Variants in SCGB2B2 observed in about 807,000 individuals in gnomAD.
SCGB2B2 encodes secretoglobin-like protein.
SCGB2B2 carries 11 observed loss-of-function variants against 7.6 expected under a neutral mutation model. The ratio of observed to expected loss-of-function variants is 1.45; its 90% confidence interval spans 0.91 to 2.40. The LOEUF (loss-of-function observed/expected upper bound fraction) is 2.40, where lower values mean the gene tolerates loss of function less well. SCGB2B2 is among the 30% of genes most tolerant of loss of function. The probability of loss-of-function intolerance (pLI) is 0.00; values close to 1 mark genes in which losing one functional copy is unlikely to be tolerated. For missense variants in SCGB2B2, 104 were observed against 115.4 expected, an observed-to-expected ratio of 0.90 and a Z score of 0.45; for synonymous variants, 50 against 48.6, an observed-to-expected ratio of 1.03 and a Z score of -0.12.
chr19:34,658,689 C>T (rs2067354257), intron 1 of SCGB2B2, among the ~76,000 whole-genome samples: 1 of 151,800 alleles, frequency 6.6e-6, no homozygotes, highest in African/African-American at 2.4e-5. Flanking sequence ...GGAGCTGGTA[C>T]CATTCCTTCT....
At chr19:34,647,363 C>T (rs2067049349) in intron 1 of SCGB2B2, among the ~76,000 whole-genome samples, 3 of 152,186 alleles carry the variant, frequency 2.0e-5, no homozygotes, top group Admixed American at 2.0e-4. Context: ...AAACCTCAGG[C>T]CCTTTCTGCA....
rs2065316959 is a variant in SCGB2B2 at position 34,592,330 on chromosome 19, G to T, written c.*1225C>A. ...GGTGGGTCTGCACTTGTAGGGAAATGAGCTCTCAAAGATCCAGGGAGAAAG... is the reference window on the plus strand; with the variant it reads ...GGTGGGTCTGCACTTGTAGGGAAATTAGCTCTCAAAGATCCAGGGAGAAAG... On this transcript the variant is annotated 3_prime_UTR_variant, in exon 4 of 4. Coordinates refer to ENST00000601241, the MANE Select transcript of SCGB2B2 (RefSeq NM_001025591.4). 6.6e-6 allele frequency among the ~76,000 whole-genome samples: 1 copy of T among 152,136 alleles called. No individual in the cohort carries two copies. The highest frequency in any genetic ancestry group is 1.5e-5 in the Non-Finnish European group (1 of 68,024).
Position 34,590,981 on chromosome 19 carries a change from A to G in SCGB2B2, c.*2574T>C, listed in dbSNP as rs886699053. Among the ~76,000 whole-genome samples the G allele has an allele frequency of 6.6e-6, 1 of 152,166 alleles. No homozygotes were observed. The highest frequency in any genetic ancestry group is 2.4e-5 in the African/African-American group (1 of 41,430). On this transcript the variant is annotated 3_prime_UTR_variant, in exon 4 of 4. Transcript: ENST00000601241. ...TTCTGGTTGAAACTCTCCATCTTTGATTGCTACAAGCTGAGTTTTAATTGA... is the reference window on the plus strand; with the variant it reads ...TTCTGGTTGAAACTCTCCATCTTTGGTTGCTACAAGCTGAGTTTTAATTGA...
intron 1 of SCGB2B2, among the ~76,000 whole-genome samples, chr19:34,602,948 A>T (rs2065672447): frequency 6.6e-6 from 1 of 152,188 alleles, no homozygotes; most frequent in Admixed American, 6.5e-5. Flanking sequence ...ATTGTTTGGA[A>T]GAATTTGTGT....
intron 1 of SCGB2B2, among the ~76,000 whole-genome samples, chr19:34,653,165 G>A (rs1024016901): frequency 1.3e-5 from 2 of 151,240 alleles, no homozygotes; most frequent in South Asian, 4.1e-4. Flanking sequence ...TGCTCTCATA[G>A]AAGAAGAGTG....
At chr19:34,650,405 C>T (rs558856600) in intron 1 of SCGB2B2, among the ~76,000 whole-genome samples, 5 of 151,308 alleles carry the variant, frequency 3.3e-5, no homozygotes, top group Non-Finnish European at 7.4e-5. Flanking sequence ...CACATCACTG[C>T]GGAATTGGGC....
At chr19:34,668,434 C>G (rs1021597725) in intron 1 of SCGB2B2, among the ~76,000 whole-genome samples, 52 of 152,220 alleles carry the variant, frequency 3.4e-4, no homozygotes, top group Non-Finnish European at 6.6e-4. Context: ...AGCCTCTCCC[C>G]CTCCTCTGTG....
intron 1 of SCGB2B2, among the ~76,000 whole-genome samples, chr19:34,643,136 T>A (rs558625861): frequency 6.6e-6 from 1 of 152,306 alleles, no homozygotes; most frequent in South Asian, 2.1e-4. Flanking sequence ...CTGTTCACAA[T>A]AGCCAAGATA....
intron 1 of SCGB2B2, among the ~76,000 whole-genome samples, chr19:34,599,291 A>G (rs1003250045): frequency 6.6e-6 from 1 of 152,236 alleles, no homozygotes; most frequent in African/African-American, 2.4e-5. Flanking sequence ...GAGTTGGGGC[A>G]GGCAGGTCAC....
chr19:34,634,612 C>T (rs2066625032), intron 1 of SCGB2B2, among the ~76,000 whole-genome samples: 1 of 152,184 alleles, frequency 6.6e-6, no homozygotes, highest in African/African-American at 2.4e-5. Flanking sequence ...CAGACAGCAT[C>T]CTCCCTGCGT....
chr19:34,668,763 A>G (rs2067714218), intron 1 of SCGB2B2, among the ~76,000 whole-genome samples: 2 of 152,192 alleles, frequency 1.3e-5, no homozygotes, highest in African/African-American at 4.8e-5. Flanking sequence ...CTTTGTGTCC[A>G]CACTCTGTAT....
Position 34,591,993 on chromosome 19 carries a change from C to T in SCGB2B2, c.*1562G>A, listed in dbSNP as rs1156882476. Among the ~76,000 whole-genome samples, 1 of 152,192 alleles carries T rather than the reference C, an allele frequency of 6.6e-6. No individual in the cohort carries two copies. The highest frequency in any genetic ancestry group is 2.4e-5 in the African/African-American group (1 of 41,442). On this transcript the variant is annotated 3_prime_UTR_variant, in exon 4 of 4. Transcript: ENST00000601241. Reference sequence around the variant, plus strand: ...CTGGGTGCCCGGCTCTGGGAAAGGGCCTGATGTGTGGCAGGGGACACTTCT... The same window carrying T: ...CTGGGTGCCCGGCTCTGGGAAAGGGTCTGATGTGTGGCAGGGGACACTTCT...
At chr19:34,666,159 T>C (rs1316287675) in intron 1 of SCGB2B2, among the ~76,000 whole-genome samples, 1 of 151,692 alleles carries the variant, frequency 6.6e-6, no homozygotes, top group Non-Finnish European at 1.5e-5. Flanking sequence ...TGCAGAGGGG[T>C]CCCCTGTCCC....
At chr19:34,631,604 GA>G (rs2066537635) in intron 1 of SCGB2B2, among the ~76,000 whole-genome samples, 1 of 151,948 alleles carries the variant, frequency 6.6e-6, no homozygotes, top group South Asian at 2.1e-4. Flanking sequence ...AGATTGCGGA[GA>G]AAAATTAAAG....
chr19:34,614,562 T>C (rs2066019166), intron 1 of SCGB2B2, among the ~76,000 whole-genome samples: 1 of 152,240 alleles, frequency 6.6e-6, no homozygotes, highest in African/African-American at 2.4e-5. Flanking sequence ...TTGTCGAGTT[T>C]CCTTAAGATT....
At position 34,592,688 on chromosome 19, in the gene SCGB2B2, G is replaced by A. The variant is rs2065329064; in HGVS notation, c.*867C>T. On this transcript the variant is annotated 3_prime_UTR_variant, in exon 4 of 4. Transcript: ENST00000601241. ...ATGAAATCAACTGAGGGGTGAGGTGGGAGAGAGGGGCCGTGTTTGAGGGTG... is the reference window on the plus strand; with the variant it reads ...ATGAAATCAACTGAGGGGTGAGGTGAGAGAGAGGGGCCGTGTTTGAGGGTG... Among the ~76,000 whole-genome samples, 2 of 152,168 alleles carry A rather than the reference G, an allele frequency of 1.3e-5. No individual in the cohort carries two copies. The highest frequency in any genetic ancestry group is 1.9e-4 in the East Asian group (1 of 5,190).
downstream of SCGB2B2, among the ~76,000 whole-genome samples, chr19:34,587,388 A>T (rs1015295769): frequency 6.6e-6 from 1 of 152,086 alleles, no homozygotes; most frequent in African/African-American, 2.4e-5. Flanking sequence ...TATATCCTGC[A>T]CCTTTAATGA....
intron 1 of SCGB2B2, among the ~76,000 whole-genome samples, chr19:34,603,019 TG>T (rs1447265212): frequency 6.6e-6 from 1 of 152,196 alleles, no homozygotes; most frequent in Non-Finnish European, 1.5e-5. Flanking sequence ...GCTATCTGCA[TG>T]GGATTTTCTT....
In SCGB2B2 at chr19:34,596,005, C is replaced by A. The variant is rs2065441071; in HGVS notation, c.-1442G>T. The A allele has an allele frequency of 6.6e-6, 1 of 152,364 alleles. No homozygotes were observed. Among genetic ancestry groups the A allele is most frequent in the African/African-American group, 2.4e-5 (1 of 41,460 alleles). 9.4% of individuals were successfully genotyped at this position (152,364 alleles called of 1,614,324 possible). A position where few individuals can be genotyped will look rare whatever the true frequency, so the allele number is the denominator to read the frequency against. ...GCCATGTAGAACCGCAGAGCAGTTC[C>A]TAGATTAGGCTGTGCCACCCAGACT... is the stretch of plus-strand genomic sequence containing the variant. On this transcript the variant is annotated 5_prime_UTR_variant, in exon 2 of 4. It adds an upstream start codon to the 5' untranslated region. Transcript: ENST00000601241.
Sources: gnomAD v4.1 joint callset for allele counts (sites outside exome capture counted in the v4.1 genomes callset) on GRCh38, gnomAD v4.1.1 for gene constraint, MANE v1.5 for transcripts, NCBI Gene and HGNC (gene_info 2026-07-23, HGNC 2026-07-21) for gene names.